The following ARHGEF12 variants were observed in gnomAD, a reference collection of about 807,000 sequenced individuals.
ARHGEF12 encodes the protein KMT2A/ARHGEF12 fusion protein.
Under a neutral mutation model 211.2 loss-of-function variants are expected in ARHGEF12, and 66 were observed. The ratio of observed to expected loss-of-function variants is 0.31; its 90% CI spans 0.26 to 0.38. ARHGEF12 has a LOEUF of 0.38. Ranked by LOEUF, ARHGEF12 falls within the 10% of genes least tolerant of loss-of-function variation. ARHGEF12 has a pLI of 1.00. For synonymous variants in ARHGEF12, 592 were observed against 638.4 expected (o/e 0.93, Z 1.09); for missense variants, 1,429 against 1,869.5 (o/e 0.76, Z 4.34).
chr11:120,472,353 A>G (rs570674175), intron 30 of ARHGEF12, among the ~76,000 whole-genome samples: 1 of 152,312 alleles, frequency 6.6e-6, no homozygotes, highest in African/African-American at 2.4e-5. Flanking sequence ...AGGCTACCCA[A>G]GAAATGGATA....
At chr11:120,475,726 ATT>A (rs5795233) in intron 33 of ARHGEF12, among the ~76,000 whole-genome samples, 23,536 of 152,106 alleles carry the variant, frequency 0.15, 2,112 homozygotes, top group Admixed American at 0.28. Context: ...GCATTTGAAA[ATT>A]TTTATGCTAT....
chr11:120,399,944 G>T (rs1311499593), intron 1 of ARHGEF12, among the ~76,000 whole-genome samples: 1 of 151,834 alleles, frequency 6.6e-6, no homozygotes, highest in African/African-American at 2.4e-5. Flanking sequence ...TTTTAATTTT[G>T]CATTTAAATA....
At chr11:120,396,303 G>T (rs183705487) in intron 1 of ARHGEF12, among the ~76,000 whole-genome samples, 7 of 152,240 alleles carry the variant, frequency 4.6e-5, no homozygotes, top group African/African-American at 1.4e-4. Flanking sequence ...AATAGTATAC[G>T]TAGATTCCTA....
rs1347937433 is a variant in ARHGEF12 at position 120,442,144 on chromosome 11, C to T, written c.1244C>T (p.Ser415Phe). Residue 415 changes from serine (S) to phenylalanine (F), a missense_variant, in exon 15 of 41, where the codon TCC becomes TTC. Coordinates refer to ENST00000397843, the MANE Select transcript of ARHGEF12 (RefSeq NM_015313.3). ...TCAGACCTGTATAAACATACCAATTCCAAAGAAACTCGTCGCATCTTCCTT... is the reference window on the plus strand; with the variant it reads ...TCAGACCTGTATAAACATACCAATTTCAAAGAAACTCGTCGCATCTTCCTT... ...LYSDLYKHTN[S>F]KETRRIFLEF... 6.2e-7 allele frequency: 1 copy of T among 1,610,642 alleles called. No individual in the cohort carries two copies. Among genetic ancestry groups the T allele is most frequent in the East Asian group, 2.2e-5 (1 of 44,786 alleles).
In ARHGEF12 at chr11:120,347,132, T is replaced by TTTCCTTCC. The variant is rs71050738; in HGVS notation, c.32+9904_32+9911dup. 2.8e-3 allele frequency among the ~76,000 whole-genome samples: 321 copies of TTTCCTTCC among 115,494 alleles called. 5 individuals are homozygous for TTTCCTTCC. The highest frequency in any genetic ancestry group is 3.2e-3 in the Non-Finnish European group (176 of 54,968). The allele number at this position is 115,494 out of a possible 152,430, so 75.8% of individuals were successfully genotyped here. A position where few individuals can be genotyped will look rare whatever the true frequency, so the allele number is the denominator to read the frequency against. ...TCCAGCCTCTCCCTTTCTTTCTTTC[T>TTTCCTTCC]TTCCTTCCTTCCTTCCTTCCTTCCT... On this transcript the variant is annotated intron_variant, in intron 1 of 40. Transcript: ENST00000397843.
chr11:120,465,411 A>T (rs1946673874), intron 28 of ARHGEF12, 49 bp downstream of exon 28: 1 of 1,605,528 alleles, frequency 6.2e-7, no homozygotes, highest in African/African-American at 1.3e-5. Context: ...AGTTTTTATC[A>T]ATTATCAGAT....
chr11:120,381,531 GT>G (rs1943878236), intron 1 of ARHGEF12, among the ~76,000 whole-genome samples: 2 of 152,286 alleles, frequency 1.3e-5, no homozygotes, highest in South Asian at 2.1e-4. Context: ...AGTTTGTTAG[GT>G]AAGCTCCTTT....
intron 30 of ARHGEF12, among the ~76,000 whole-genome samples, chr11:120,472,157 GA>G (rs1946887398): frequency 6.6e-6 from 1 of 152,106 alleles, no homozygotes; most frequent in African/African-American, 2.4e-5. Flanking sequence ...ATACGTATAT[GA>G]ATGTATTCTA....
chr11:120,341,406 C>A (rs1942533162), intron 1 of ARHGEF12, among the ~76,000 whole-genome samples: 2 of 146,876 alleles, frequency 1.4e-5, no homozygotes, highest in Admixed American at 1.4e-4. Context: ...TTTGAGTTTT[C>A]AGTTTAAAAA....
rs780966834 is a variant in ARHGEF12 at position 120,480,363 on chromosome 11, T to A, written c.4170T>A (p.Asp1390Glu). 9 of 1,614,080 alleles carry A rather than the reference T, an allele frequency of 5.6e-6. No homozygotes were observed. Among genetic ancestry groups the A allele is most frequent in the South Asian group, 1.1e-5 (1 of 91,074 alleles). Residue 1390 changes from aspartate to glutamate, a missense_variant, in exon 38 of 41, where the codon GAT becomes GAA. Physicochemically the swap from Asp to Glu is conservative, Grantham distance 45. This residue lies in a region of ARHGEF12 where 467 missense variants were observed against 468.4 expected (regional missense o/e 1.00). Transcript: ENST00000397843. ...TTGATGCCCGTGAAGCACATAGTGA[T>A]GAGAATCCATCAGAAGGTGATGGAG... ...HFFDAREAHS[D>E]ENPSEGDGAV...
At chr11:120,361,758 G>A (rs1943283392) in intron 1 of ARHGEF12, among the ~76,000 whole-genome samples, 1 of 152,102 alleles carries the variant, frequency 6.6e-6, no homozygotes, top group Non-Finnish European at 1.5e-5. Flanking sequence ...ACTTTGTTTT[G>A]TACGTGGAAT....
chr11:120,354,082 G>A (rs946756777), intron 1 of ARHGEF12, among the ~76,000 whole-genome samples: 1 of 152,154 alleles, frequency 6.6e-6, no homozygotes, highest in Non-Finnish European at 1.5e-5. Flanking sequence ...GACTAGGGGT[G>A]CAGTGGGAGG....
chr11:120,481,246 G>A lies in ARHGEF12; in HGVS notation c.4238-14G>A. ...AGCACTGGTCTTATCAAACTATTCT[G>A]TCTCTATCCATAGGAAACTATTTGA... On this transcript the variant is annotated splice_polypyrimidine_tract_variant and intron_variant, in intron 38 of 40. Coordinates refer to ENST00000397843, the MANE Select transcript of ARHGEF12 (RefSeq NM_015313.3). The A allele has an allele frequency of 2.5e-6, 4 of 1,611,104 alleles. No individual in the cohort carries two copies. Among genetic ancestry groups the A allele is most frequent in the Non-Finnish European group, 3.4e-6 (4 of 1,177,460 alleles).
intron 1 of ARHGEF12, among the ~76,000 whole-genome samples, chr11:120,370,186 G>T (rs933069170): frequency 3.9e-5 from 6 of 152,012 alleles, no homozygotes; most frequent in Non-Finnish European, 7.4e-5. Flanking sequence ...TATGAGGTAG[G>T]GATTGAGTTT....
At chr11:120,447,950 G>C in intron 19 of ARHGEF12, 44 bp downstream of exon 19, 2 of 1,421,956 alleles carry the variant, frequency 1.4e-6, no homozygotes, top group Non-Finnish European at 1.9e-6. Context: ...AAGAAAAAAA[G>C]AACTATGTTT....
At chr11:120,379,069 C>T (rs1446202039) in intron 1 of ARHGEF12, among the ~76,000 whole-genome samples, 1 of 152,058 alleles carries the variant, frequency 6.6e-6, no homozygotes. Context: ...ATTAGGTCTC[C>T]CAATCCATTG....
intron 1 of ARHGEF12, among the ~76,000 whole-genome samples, chr11:120,353,543 A>C (rs918724298): frequency 2.0e-5 from 3 of 152,120 alleles, no homozygotes; most frequent in Non-Finnish European, 4.4e-5. Context: ...AGTCACCTCC[A>C]CAGCCTCCCT....
chr11:120,407,032 G>T (rs985906641), intron 2 of ARHGEF12, among the ~76,000 whole-genome samples: 5 of 152,224 alleles, frequency 3.3e-5, no homozygotes, highest in African/African-American at 1.2e-4. Flanking sequence ...TTAAAATGTA[G>T]GTAGTATGTC....
intron 1 of ARHGEF12, among the ~76,000 whole-genome samples, chr11:120,346,832 T>G (rs1942743103): frequency 6.6e-6 from 1 of 152,210 alleles, no homozygotes; most frequent in South Asian, 2.1e-4. Flanking sequence ...CTTTCCCCCC[T>G]TCTCACTAGA....
Sources: allele counts gnomAD v4.1 joint callset (sites outside exome capture counted in the v4.1 genomes callset), GRCh38; gene constraint gnomAD v4.1.1; regional missense constraint gnomAD v4.1.1; transcripts MANE v1.5; gene names NCBI Gene and HGNC (gene_info 2026-07-23, HGNC 2026-07-21).